C1orf105: variants seen among roughly 807,000 people sequenced by gnomAD.
C1orf105 encodes the protein chromosome 1 open reading frame 105.
Under a neutral mutation model 20.8 loss-of-function variants are expected in C1orf105, and 17 were observed. The observed-to-expected ratio is 0.82, with a 90% CI of 0.56 to 1.23. The LOEUF (loss-of-function observed/expected upper bound fraction) is 1.23. Among genes scored for constraint, C1orf105 ranks in the 50% most tolerant of loss-of-function variants. The probability of loss-of-function intolerance (pLI) is 0.00; values close to 1 mark genes in which losing one functional copy is unlikely to be tolerated. For missense variants in C1orf105, 219 were observed against 213.5 expected (o/e 1.03, Z -0.16); for synonymous variants, 72 against 72.1 (o/e 1.00, Z 0.01).
chr1:172,444,131 C>G, intron 1 of C1orf105: 7 of 990,232 alleles, frequency 7.1e-6, no homozygotes, highest in Non-Finnish European at 8.4e-6. Flanking sequence ...CCGGCTGGAA[C>G]CATCGCGACG....
Position 172,458,523 on chromosome 1 carries a change from A to G in C1orf105, c.273+2034A>G, listed in dbSNP as rs577634267. ...GCACAAGAGCTATACAATGAAAAGT[A>G]TAAAACATTGTGGAAAGAAAATTTA... On this transcript the variant is annotated intron_variant, in intron 4 of 6. Transcript: ENST00000367727. Among the ~76,000 whole-genome samples, 3 of 152,332 alleles carry G rather than the reference A, an allele frequency of 2.0e-5. No individual in the cohort carries two copies. The East Asian group carries it at 5.8e-4, about 29-fold the overall frequency.
intron 4 of C1orf105, 82 bp from the exon 5 acceptor site, chr1:172,462,096 C>G: frequency 1.9e-6 from 2 of 1,057,444 alleles, no homozygotes; most frequent in South Asian, 2.8e-5. Context: ...AAATACAACA[C>G]AAATTCACTA....
chr1:172,428,545 T>C (rs144981397), intron 1 of C1orf105, among the ~76,000 whole-genome samples: 180 of 151,864 alleles, frequency 1.2e-3, no homozygotes, highest in Admixed American at 9.8e-4. Flanking sequence ...AGCTCTTTCC[T>C]CTGCAGCTCT....
chr1:172,454,954 C>G (rs2149184322), intron 3 of C1orf105, among the ~76,000 whole-genome samples: 1 of 152,220 alleles, frequency 6.6e-6, no homozygotes, highest in East Asian at 1.9e-4. Context: ...TTTTGTCTTC[C>G]TTAGAAACTT....
At chr1:172,453,155 T>C (rs1558139904) in intron 3 of C1orf105, 4 of 1,551,070 alleles carry the variant, frequency 2.6e-6, no homozygotes, top group Non-Finnish European at 3.5e-6. Flanking sequence ...GCAGCTCTTC[T>C]TGGAGGCCAG....
chr1:172,456,336 C>T (rs1450488760), intron 3 of C1orf105, 79 bp from the exon 4 acceptor site: 1 of 1,230,790 alleles, frequency 8.1e-7, no homozygotes, highest in Non-Finnish European at 1.2e-6. Context: ...TCTCTCACCC[C>T]TCCACTGCTT....
intron 1 of C1orf105, among the ~76,000 whole-genome samples, chr1:172,435,609 G>A (rs1360617952): frequency 6.6e-6 from 1 of 152,080 alleles, no homozygotes; most frequent in Non-Finnish European, 1.5e-5. Context: ...AATAATAAGA[G>A]CTACTCATGA....
chr1:172,423,484 C>T (rs145782381), intron 1 of C1orf105, among the ~76,000 whole-genome samples: 34 of 152,246 alleles, frequency 2.2e-4, no homozygotes, highest in African/African-American at 7.7e-4. Flanking sequence ...TAGATCATAA[C>T]ACCCAAGTCC....
chr1:172,453,877 G>T (rs1648938832), intron 3 of C1orf105, among the ~76,000 whole-genome samples: 1 of 152,168 alleles, frequency 6.6e-6, no homozygotes, highest in African/African-American at 2.4e-5. Context: ...TGTCTTAAAT[G>T]AGTAGCTATC....
intron 3 of C1orf105, chr1:172,451,122 G>C (rs1349827456): frequency 2.6e-5 from 4 of 152,386 alleles, no homozygotes; most frequent in Non-Finnish European, 5.9e-5. Context: ...CAGCAGGTGT[G>C]TGGGGGTGAC....
rs148794851 is a variant in C1orf105, at chr1:172,427,277, A to G, written c.21+6371A>G. Among the ~76,000 whole-genome samples the G allele has an allele frequency of 6.9e-3, 1,047 of 152,292 alleles. 8 individuals are homozygous for G. The highest frequency in any genetic ancestry group is 0.024 in the African/African-American group (1,004 of 41,560). On this transcript the variant is annotated intron_variant, in intron 1 of 6. Coordinates refer to ENST00000367727, the MANE Select transcript of C1orf105 (RefSeq NM_139240.4). The stretch of plus-strand genomic sequence containing the variant: ...CTACTCTGTCTTCTCACTTGTTCCC[A>G]TAGATCAACCATCCCTGCCCTTGTC...
intron 1 of C1orf105, among the ~76,000 whole-genome samples, chr1:172,425,607 C>G (rs1192283723): frequency 6.6e-6 from 1 of 152,078 alleles, no homozygotes; most frequent in African/African-American, 2.4e-5. Flanking sequence ...TTGGTCAAAC[C>G]CTGGCTCTCA....
chr1:172,455,696 G>A (rs1649157377), intron 3 of C1orf105, among the ~76,000 whole-genome samples: 1 of 152,186 alleles, frequency 6.6e-6, no homozygotes, highest in African/African-American at 2.4e-5. Context: ...TGGTTACAGT[G>A]AGCAGACACG....
chr1:172,448,857 C>CCTCCCCCAAAGGATTGCTTATGT (rs1453011921), intron 3 of C1orf105, among the ~76,000 whole-genome samples: 1 of 152,128 alleles, frequency 6.6e-6, no homozygotes, highest in Admixed American at 6.5e-5. Flanking sequence ...GTCTCTACTG[C>CCTCCCCCAAAGGATTGCTTATGT]CTCCCCCAAA....
At chr1:172,462,678 T>TA (rs1649780723) in intron 5 of C1orf105, among the ~76,000 whole-genome samples, 1 of 152,230 alleles carries the variant, frequency 6.6e-6, no homozygotes, top group Non-Finnish European at 1.5e-5. Context: ...GGTTGTTATT[T>TA]AAAGCTTTTT....
chr1:172,468,376 G>T, intron 6 of C1orf105, 73 bp from the exon 7 acceptor site: 1 of 1,224,726 alleles, frequency 8.2e-7, no homozygotes, highest in Non-Finnish European at 1.1e-6. Flanking sequence ...TTGGCCTGTG[G>T]TTATTTTGAG....
intron 1 of C1orf105, among the ~76,000 whole-genome samples, chr1:172,433,458 T>C (rs911673084): frequency 6.6e-6 from 1 of 152,156 alleles, no homozygotes; most frequent in Non-Finnish European, 1.5e-5. Context: ...TCAACATTCT[T>C]AAACAAAAGA....
intron 1 of C1orf105, chr1:172,442,461 C>T (rs1415179181): frequency 6.2e-7 from 1 of 1,614,202 alleles, no homozygotes; most frequent in East Asian, 2.2e-5. Context: ...CCACACTGGA[C>T]TCAAATACCA....
At chr1:172,427,002 T>G (rs541743114) in intron 1 of C1orf105, among the ~76,000 whole-genome samples, 1 of 152,086 alleles carries the variant, frequency 6.6e-6, no homozygotes, top group African/African-American at 2.4e-5. Context: ...GGATAACTGG[T>G]TTCACTTTAA....
Sources: gnomAD v4.1 joint callset for allele counts (sites outside exome capture counted in the v4.1 genomes callset) on GRCh38, gnomAD v4.1.1 for gene constraint, MANE v1.5 for transcripts, NCBI Gene and HGNC (gene_info 2026-07-23, HGNC 2026-07-21) for gene names.